HOMER1: variants seen among roughly 807,000 people sequenced by gnomAD.
HOMER1 encodes the protein homer scaffold protein 1, also known as homer protein homolog 1.
A neutral mutation model predicts 48.9 loss-of-function variants in HOMER1; 3 were observed. That is an observed-to-expected ratio of 0.06 (90% CI 0.03 to 0.16). The LOEUF is 0.16. HOMER1 is among the 10% of genes least tolerant of loss of function. HOMER1 has a pLI of 1.00. For synonymous variants in HOMER1, 134 were observed against 146.4 expected (o/e 0.92, Z 0.61); for missense variants, 247 against 411.4 (o/e 0.60, Z 3.46).
At chr5:79,454,906 C>G (rs912500531) in intron 2 of HOMER1, among the ~76,000 whole-genome samples, 1 of 152,118 alleles carries the variant, frequency 6.6e-6, no homozygotes, top group African/African-American at 2.4e-5. Context: ...CACAACAACC[C>G]TATGGTGGAA....
At chr5:79,485,568 T>G (rs1233797079) in intron 1 of HOMER1, among the ~76,000 whole-genome samples, 2 of 152,208 alleles carry the variant, frequency 1.3e-5, no homozygotes, top group Non-Finnish European at 2.9e-5. Context: ...ACAACACATT[T>G]TAACATTTCA....
At chr5:79,465,123 G>A (rs182811592) in intron 1 of HOMER1, among the ~76,000 whole-genome samples, 1 of 152,130 alleles carries the variant, frequency 6.6e-6, no homozygotes, top group East Asian at 1.9e-4. Context: ...GATCGCTTGA[G>A]CCCATGAGTT....
chr5:79,507,505 A>C (rs906711389), intron 1 of HOMER1, among the ~76,000 whole-genome samples: 5 of 152,268 alleles, frequency 3.3e-5, no homozygotes, highest in African/African-American at 1.2e-4. Context: ...AAAACTGCAC[A>C]TTTCATTCCA....
Position 79,502,846 on chromosome 5 carries a change from A to G in HOMER1, c.5+9924T>C, listed in dbSNP as rs1040570098. ...CGCTCTGTCGCCCAGGCTGGAGTGC[A>G]GTGGCGCAATCTCAGCTCACTGCAA... On this transcript the variant is annotated intron_variant, in intron 1 of 8. Coordinates refer to ENST00000334082, the MANE Select transcript of HOMER1 (RefSeq NM_004272.5). Among the ~76,000 whole-genome samples the G allele has an allele frequency of 2.6e-5, 4 of 152,194 alleles. No individual in the cohort carries two copies. The South Asian group carries it at 8.3e-4, about 31-fold the overall frequency.
At chr5:79,453,286 T>C (rs1413578016) in intron 2 of HOMER1, among the ~76,000 whole-genome samples, 2 of 152,192 alleles carry the variant, frequency 1.3e-5, no homozygotes, top group African/African-American at 4.8e-5. Context: ...GGGCATTTTA[T>C]ACGTGACCCT....
intron 8 of HOMER1, among the ~76,000 whole-genome samples, chr5:79,391,166 C>G (rs1387750198): frequency 7.3e-6 from 1 of 137,782 alleles, no homozygotes; most frequent in African/African-American, 2.7e-5. Context: ...TGAGATAGGT[C>G]TTGTTCTGTC....
intron 8 of HOMER1, among the ~76,000 whole-genome samples, chr5:79,378,405 G>A (rs1748835523): frequency 6.6e-6 from 1 of 151,140 alleles, no homozygotes; most frequent in South Asian, 2.1e-4. Flanking sequence ...TTAAGGAATC[G>A]AATCTCAAAC....
intron 8 of HOMER1, among the ~76,000 whole-genome samples, chr5:79,385,813 A>G (rs922003197): frequency 2.4e-5 from 3 of 126,398 alleles, no homozygotes; most frequent in Non-Finnish European, 4.7e-5. Context: ...ACTGCACTCT[A>G]GCCTGGGTGA....
At chr5:79,432,642 G>A (rs1337324730) in intron 5 of HOMER1, among the ~76,000 whole-genome samples, 1 of 151,904 alleles carries the variant, frequency 6.6e-6, no homozygotes, top group African/African-American at 2.4e-5. Context: ...ATGAAGGTCA[G>A]TTCTTAAAAA....
intron 1 of HOMER1, among the ~76,000 whole-genome samples, chr5:79,464,245 C>T (rs1167860870): frequency 2.0e-5 from 3 of 152,068 alleles, no homozygotes; most frequent in Admixed American, 6.6e-5. Context: ...AGGAGAGGAG[C>T]GAAATCCAAA....
intron 8 of HOMER1, among the ~76,000 whole-genome samples, chr5:79,378,740 C>A (rs1322966763): frequency 6.6e-6 from 1 of 152,058 alleles, no homozygotes; most frequent in Non-Finnish European, 1.5e-5. Context: ...AGTTTGCCCT[C>A]TAAAGCCCTC....
chr5:79,473,785 C>G (rs965632579), intron 1 of HOMER1, among the ~76,000 whole-genome samples: 1 of 152,206 alleles, frequency 6.6e-6, no homozygotes, highest in Admixed American at 6.5e-5. Flanking sequence ...GCATATCACC[C>G]TGCAGCAATT....
intron 1 of HOMER1, among the ~76,000 whole-genome samples, chr5:79,457,576 G>A (rs184962418): frequency 6.6e-6 from 1 of 152,324 alleles, no homozygotes; most frequent in East Asian, 1.9e-4. Context: ...GAGAAAATAT[G>A]TGTTAGATAA....
At chr5:79,379,111 TATAAAATATATAAA>T (rs1561340280) in intron 8 of HOMER1, among the ~76,000 whole-genome samples, 25 of 94,698 alleles carry the variant, frequency 2.6e-4, no homozygotes, top group African/African-American at 1.1e-3. Flanking sequence ...TATATATATA[TATAAAATATATAAA>T]TATTTATTTA....
intron 1 of HOMER1, among the ~76,000 whole-genome samples, chr5:79,465,007 G>T (rs1037303484): frequency 6.6e-6 from 1 of 151,966 alleles, no homozygotes; most frequent in Non-Finnish European, 1.5e-5. Context: ...TGCTATAATA[G>T]AAGTATCGAG....
At chr5:79,502,293 C>T (rs142022740) in intron 1 of HOMER1, among the ~76,000 whole-genome samples, 1,608 of 152,178 alleles carry the variant, frequency 0.011, 26 homozygotes, top group African/African-American at 0.036. Flanking sequence ...GCTGGGATTA[C>T]AGACGTGAGC....
At chr5:79,478,914 T>C (rs1224140510) in intron 1 of HOMER1, among the ~76,000 whole-genome samples, 1 of 152,166 alleles carries the variant, frequency 6.6e-6, no homozygotes, top group African/African-American at 2.4e-5. Flanking sequence ...ATTGTGCCAC[T>C]GCACTCCAGC....
intron 2 of HOMER1, among the ~76,000 whole-genome samples, chr5:79,454,938 T>G (rs368518560): frequency 2.6e-5 from 4 of 152,276 alleles, no homozygotes; most frequent in African/African-American, 9.6e-5. Flanking sequence ...TTTTTATTCA[T>G]TCCTTTTTAC....
chr5:79,467,449 T>C (rs927409614), intron 1 of HOMER1, among the ~76,000 whole-genome samples: 6 of 143,838 alleles, frequency 4.2e-5, no homozygotes, highest in African/African-American at 1.6e-4. Flanking sequence ...TAAGTGCTAA[T>C]ATCACCTTCA....
Sources: gnomAD v4.1 joint callset for allele counts (sites outside exome capture counted in the v4.1 genomes callset) on GRCh38, gnomAD v4.1.1 for gene constraint, MANE v1.5 for transcripts, NCBI Gene and HGNC (gene_info 2026-07-23, HGNC 2026-07-21) for gene names.